The following PRKAR1B variants were observed in gnomAD, a reference collection of about 807,000 sequenced individuals.
PRKAR1B encodes protein kinase cAMP-dependent type I regulatory subunit beta.
A neutral mutation model predicts 46.5 loss-of-function variants in PRKAR1B; 22 were observed. The ratio of observed to expected loss-of-function variants is 0.47; its 90% CI spans 0.34 to 0.68. The LOEUF (loss-of-function observed/expected upper bound fraction) is 0.68. PRKAR1B is among the 30% of genes least tolerant of loss of function. The pLI, the probability that PRKAR1B is intolerant of heterozygous loss-of-function variation, is 0.01. For missense variants in PRKAR1B, 445 were observed against 535.6 expected (o/e 0.83, Z 1.67); for synonymous variants, 259 against 217.7 (o/e 1.19, Z -1.67).
intron 6 of PRKAR1B, among the ~76,000 whole-genome samples, chr7:598,957 C>T (rs1266463925): frequency 2.0e-5 from 3 of 152,258 alleles, no homozygotes; most frequent in Admixed American, 6.5e-5. Context: ...AGAGCCAGCC[C>T]GGGACGGCCG....
chr7:604,720 C>T (rs1190836420), intron 6 of PRKAR1B, among the ~76,000 whole-genome samples: 1 of 152,190 alleles, frequency 6.6e-6, no homozygotes, highest in East Asian at 1.9e-4. Context: ...AAATGCCCTC[C>T]CCAGAATAGC....
chr7:699,148 T>G (rs1281443821), intron 2 of PRKAR1B, among the ~76,000 whole-genome samples: 1 of 152,168 alleles, frequency 6.6e-6, no homozygotes, highest in African/African-American at 2.4e-5. Context: ...GTGGGAAGGG[T>G]GTGGCCTCAG....
intron 4 of PRKAR1B, among the ~76,000 whole-genome samples, chr7:637,139 T>C (rs1317572336): frequency 6.6e-6 from 1 of 152,084 alleles, no homozygotes; most frequent in Non-Finnish European, 1.5e-5. Flanking sequence ...ATACAAAAAT[T>C]AGCCGGGCGT....
At position 711,400 on chromosome 7, in the gene PRKAR1B, C is replaced by T. The variant is rs764518494; in HGVS notation, c.106G>A (p.Val36Ile). The change falls in exon 2 of 11, where the codon GTC (valine) becomes ATC (isoleucine). Residue 36 changes from valine to isoleucine, a missense_variant. Around this residue, in one of 5 missense-constraint regions of PRKAR1B, gnomAD observed 155 missense variants for 127.5 expected, o/e 1.22. Coordinates refer to ENST00000537384, the MANE Select transcript of PRKAR1B (RefSeq NM_001164760.2). ...GIQQVLKDCI[V>I]HLCISKPERP... ...TCGGGCTTGGAGATGCAGAGGTGGA[C>T]GATACAGTCTTTGAGGACCTGCTGG... 1.2e-5 allele frequency: 19 copies of T among 1,614,082 alleles called. No individual in the cohort carries two copies. Among genetic ancestry groups the T allele is most frequent in the Admixed American group, 5.0e-5 (3 of 59,996 alleles).
intron 4 of PRKAR1B, among the ~76,000 whole-genome samples, chr7:676,667 T>C (rs957639402): frequency 1.3e-5 from 2 of 152,204 alleles, no homozygotes; most frequent in Admixed American, 6.5e-5. Flanking sequence ...AAGCCACCCC[T>C]GCGTGGTGAG....
chr7:674,055 C>T (rs1303545710), intron 4 of PRKAR1B, among the ~76,000 whole-genome samples: 1 of 152,218 alleles, frequency 6.6e-6, no homozygotes, highest in Non-Finnish European at 1.5e-5. Flanking sequence ...CTGGGAAACC[C>T]AGGGCCACCC....
chr7:684,311 T>C (rs1382555643), intron 2 of PRKAR1B, among the ~76,000 whole-genome samples: 1 of 152,260 alleles, frequency 6.6e-6, no homozygotes, highest in Non-Finnish European at 1.5e-5. Context: ...TGAAGCTTTA[T>C]GCGATCATTT....
chr7:601,842 G>A (rs1238652205), intron 6 of PRKAR1B, among the ~76,000 whole-genome samples: 5 of 152,192 alleles, frequency 3.3e-5, no homozygotes, highest in Admixed American at 1.3e-4. Context: ...CTGGAGGGCC[G>A]GGTCCAGCAG....
At chr7:574,395 C>T (rs950979671) in intron 9 of PRKAR1B, among the ~76,000 whole-genome samples, 3 of 152,156 alleles carry the variant, frequency 2.0e-5, no homozygotes, top group African/African-American at 7.2e-5. Context: ...GACAGGGCTG[C>T]AGGTCCAGTG....
chr7:707,336 C>G (rs1350371289), intron 2 of PRKAR1B, among the ~76,000 whole-genome samples: 1 of 152,104 alleles, frequency 6.6e-6, no homozygotes, highest in East Asian at 1.9e-4. Flanking sequence ...TGGCGGACGC[C>G]CCTCAGATTT....
rs962356278 is a variant in PRKAR1B, at chr7:666,540, G to A, written c.440+10689C>T. On this transcript the variant is annotated intron_variant, in intron 4 of 10. Transcript: ENST00000537384. The surrounding 1 kb of genome is among the most constrained non-coding windows in gnomAD (Gnocchi z 4.9). ...TCTGCAGAGGGGCTGTGCAGGTGCC[G>A]TCCCAGGGGATAAGGACACCCCACT... Among the ~76,000 whole-genome samples the A allele has an allele frequency of 6.6e-6, 1 of 152,194 alleles. No individual in the cohort carries two copies. Among genetic ancestry groups the A allele is most frequent in the Non-Finnish European group, 1.5e-5 (1 of 68,024 alleles).
intron 9 of PRKAR1B, among the ~76,000 whole-genome samples, chr7:567,541 CCAT>C (rs1382469535): frequency 2.0e-5 from 3 of 148,082 alleles, no homozygotes; most frequent in African/African-American, 2.5e-5. Context: ...ATCACTATCA[CCAT>C]CATCATCACC....
intron 4 of PRKAR1B, among the ~76,000 whole-genome samples, chr7:646,628 A>G (rs1784634178): frequency 1.3e-5 from 2 of 152,186 alleles, no homozygotes; most frequent in South Asian, 4.1e-4. Context: ...GTTTCCCATA[A>G]AAACATCACT....
chr7:566,517 C>T (rs1363510924), intron 9 of PRKAR1B, among the ~76,000 whole-genome samples: 1 of 111,410 alleles, frequency 9.0e-6, no homozygotes, highest in Non-Finnish European at 1.9e-5. Flanking sequence ...CCATCATGAT[C>T]ATCACCATCA....
chr7:591,557 T>C (rs1780979703), intron 7 of PRKAR1B, among the ~76,000 whole-genome samples: 1 of 152,124 alleles, frequency 6.6e-6, no homozygotes, highest in African/African-American at 2.4e-5. Context: ...AACTGGAGCG[T>C]TGATAACGGC....
At chr7:723,828 T>G (rs73256261) in intron 1 of PRKAR1B, among the ~76,000 whole-genome samples, 29,731 of 152,128 alleles carry the variant, frequency 0.2, 3,251 homozygotes, top group East Asian at 0.4. Context: ...CCTCCCTGTT[T>G]GCTACCTGAG....
chr7:722,493 T>C (rs750500732), intron 1 of PRKAR1B, among the ~76,000 whole-genome samples: 2 of 151,496 alleles, frequency 1.3e-5, no homozygotes, highest in Non-Finnish European at 2.9e-5. Flanking sequence ...TGCCTTGGCC[T>C]CACAAAGTGC....
At chr7:555,908 G>A (rs969019992) in intron 9 of PRKAR1B, among the ~76,000 whole-genome samples, 1 of 152,174 alleles carries the variant, frequency 6.6e-6, no homozygotes, top group African/African-American at 2.4e-5. Context: ...GGCAGCGTGG[G>A]CTTGCATCCA....
At chr7:646,336 G>A (rs1042125360) in intron 4 of PRKAR1B, among the ~76,000 whole-genome samples, 1 of 152,220 alleles carries the variant, frequency 6.6e-6, no homozygotes, top group Non-Finnish European at 1.5e-5. Context: ...GAGCCACCGC[G>A]CCTGGCCTGA....
Sources: allele counts gnomAD v4.1 joint callset (sites outside exome capture counted in the v4.1 genomes callset), GRCh38; gene constraint gnomAD v4.1.1; regional missense constraint gnomAD v4.1.1; non-coding constraint Gnocchi (gnomAD v3.1); transcripts MANE v1.5; gene names NCBI Gene and HGNC (gene_info 2026-07-23, HGNC 2026-07-21).